Variants in SP100 observed in about 807,000 individuals in gnomAD.
SP100 encodes nuclear autoantigen Sp-100.
In SP100, 84 loss-of-function variants were observed where a neutral mutation model predicts 130.0. The ratio of observed to expected loss-of-function variants is 0.65; its 90% CI spans 0.54 to 0.77. The LOEUF is 0.77. Among genes scored for constraint, SP100 ranks in the 30% least tolerant of loss-of-function variants. SP100 has a pLI of 0.00. For missense variants in SP100, 978 were observed against 1,052.2 expected (o/e 0.93, Z 0.97); for synonymous variants, 331 against 351.7 (o/e 0.94, Z 0.66).
chr2:230,469,965 T>C (rs1294429951), intron 14 of SP100, 50 bp from the exon 15 acceptor site: 1 of 1,571,520 alleles, frequency 6.4e-7, no homozygotes, highest in Non-Finnish European at 8.6e-7. Context: ...TCCCTGCTGA[T>C]TCCTAAGACT....
chr2:230,417,685 G>A lies in SP100; in HGVS notation c.107+20G>A, dbSNP rs780320020. 4.4e-6 allele frequency: 7 copies of A among 1,604,770 alleles called. No individual in the cohort carries two copies. In the African/African-American group the frequency reaches 6.7e-5, roughly 15 times the overall value. ...GCAAAGGTGATGAATGAAGAGTTAT[G>A]TCTTGTTTTAATTTGTATTTTCCTT... On this transcript the variant is annotated intron_variant, in intron 2 of 28. Coordinates refer to ENST00000340126, the MANE Select transcript of SP100 (RefSeq NM_001080391.2).
intron 2 of SP100, among the ~76,000 whole-genome samples, chr2:230,419,668 A>G (rs915254736): frequency 2.0e-5 from 3 of 152,194 alleles, no homozygotes; most frequent in African/African-American, 4.8e-5. Context: ...TTATTACACT[A>G]CATTGTTATA....
chr2:230,530,400 CCTTCCTTACACCTTACA>C (rs981147777), intron 24 of SP100, among the ~76,000 whole-genome samples: 1 of 152,162 alleles, frequency 6.6e-6, no homozygotes, highest in African/African-American at 2.4e-5. Flanking sequence ...AAACTGGACA[CCTTCCTTACACCTTACA>C]CAAAAATTAA....
intron 24 of SP100, among the ~76,000 whole-genome samples, chr2:230,530,556 C>T (rs551185398): frequency 6.6e-6 from 1 of 152,134 alleles, no homozygotes; most frequent in Non-Finnish European, 1.5e-5. Context: ...AAAGCAATTG[C>T]AACAAAAGCC....
In SP100 at chr2:230,544,363, T is replaced by C. The variant is rs1692260113; in HGVS notation, c.*1417T>C. 6.6e-6 allele frequency among the ~76,000 whole-genome samples: 1 copy of C among 152,204 alleles called. No homozygotes were observed. Among genetic ancestry groups the C allele is most frequent in the Middle Eastern group, 3.4e-3 (1 of 294 alleles). On this transcript the variant is annotated 3_prime_UTR_variant, in exon 29 of 29. Coordinates refer to ENST00000340126, the MANE Select transcript of SP100 (RefSeq NM_001080391.2). ...CAGAGTAAACAGACAACCTACAAAA[T>C]GGGAGAAAATATTTGCACACTATGC...
At position 230,515,233 on chromosome 2, in the gene SP100, T is replaced by C. The variant is rs374928470; in HGVS notation, c.2094+4067T>C. ...TATGGCAAAGGCGGACAAGGCCCAT[T>C]ATGAAAGAGAAATGAAAACCTATAT... is the stretch of plus-strand genomic sequence containing the variant. On this transcript the variant is annotated intron_variant, in intron 24 of 28. Coordinates refer to ENST00000340126, the MANE Select transcript of SP100 (RefSeq NM_001080391.2). 1.4e-5 allele frequency: 22 copies of C among 1,613,356 alleles called. No homozygotes were observed. The African/African-American group carries it at 2.9e-4, about 22-fold the overall frequency.
chr2:230,496,940 C>T (rs1014328488), intron 18 of SP100, among the ~76,000 whole-genome samples: 3 of 152,166 alleles, frequency 2.0e-5, no homozygotes, highest in African/African-American at 7.2e-5. Flanking sequence ...AATGTCTCTG[C>T]CTTCCTCAAA....
chr2:230,522,960 A>C (rs1691246843), intron 24 of SP100, among the ~76,000 whole-genome samples: 1 of 151,820 alleles, frequency 6.6e-6, no homozygotes, highest in Admixed American at 6.6e-5. Flanking sequence ...GATTACAGGC[A>C]CCCACCAGCA....
intron 13 of SP100, among the ~76,000 whole-genome samples, chr2:230,468,274 C>A (rs567396241): frequency 6.6e-6 from 1 of 152,092 alleles, no homozygotes; most frequent in East Asian, 1.9e-4. Context: ...CTTCAAAGTT[C>A]AAAAAATGTT....
intron 8 of SP100, among the ~76,000 whole-genome samples, chr2:230,460,874 C>T (rs1221074128): frequency 1.9e-4 from 4 of 21,150 alleles, no homozygotes; most frequent in Admixed American, 1.4e-3. Flanking sequence ...CCACCCGCCT[C>T]GGCCTCCCAA....
intron 2 of SP100, among the ~76,000 whole-genome samples, chr2:230,436,970 A>G (rs866365155): frequency 7.4e-6 from 1 of 134,746 alleles, no homozygotes; most frequent in East Asian, 2.0e-4. Flanking sequence ...ACACATATAT[A>G]TGTGTATACA....
rs76794291 is a variant in SP100 at position 230,463,446 on chromosome 2, T to C, written c.1058-621T>C. Among the ~76,000 whole-genome samples the C allele has an allele frequency of 2.3e-3, 346 of 152,224 alleles. 3 individuals carry two copies. Among genetic ancestry groups the C allele is most frequent in the African/African-American group, 8.0e-3 (332 of 41,540 alleles). ...TAGAAATATGCCACTTTAGGGAAAA[T>C]ACACTAGGGAAAGACCTAAGAGCAA... On this transcript the variant is annotated intron_variant, in intron 10 of 28. Transcript: ENST00000340126.
In SP100 at chr2:230,512,559, A is replaced by G. The variant is rs578185555; in HGVS notation, c.2094+1393A>G. On this transcript the variant is annotated intron_variant, in intron 24 of 28. Transcript: ENST00000340126. ...TGCCTCAGCCTCCCAAAGTGCTGGG[A>G]TTACAGGCATGAGCCACCGCACTGG... 3.9e-5 allele frequency among the ~76,000 whole-genome samples: 6 copies of G among 152,198 alleles called. No homozygotes were observed. The South Asian group carries it at 1.2e-3, about 32-fold the overall frequency.
chr2:230,472,144 A>G (rs1038793336), intron 15 of SP100, among the ~76,000 whole-genome samples: 1 of 152,054 alleles, frequency 6.6e-6, no homozygotes, highest in African/African-American at 2.4e-5. Flanking sequence ...AGATCAAGAT[A>G]AGGGCCAGGC....
At position 230,515,184 on chromosome 2, in the gene SP100, TAAAGAGA is replaced by T. The variant is rs776771066; in HGVS notation, c.2094+4021_2094+4027del. 1.9e-6 allele frequency: 3 copies of T among 1,613,450 alleles called. No individual in the cohort carries two copies. In the Admixed American group the frequency reaches 5.0e-5, roughly 27 times the overall value. On this transcript the variant is annotated intron_variant, in intron 24 of 28. Coordinates refer to ENST00000340126, the MANE Select transcript of SP100 (RefSeq NM_001080391.2). Reference sequence around the variant, plus strand: ...CAGAGACATGGAAGACCATTTTTGCTAAAGAGAAAGGAAAATTTGAAGATATGGCAAA... The same window carrying T: ...CAGAGACATGGAAGACCATTTTTGCTAAGGAAAATTTGAAGATATGGCAAA...
At chr2:230,422,848 C>T (rs973158575) in intron 2 of SP100, among the ~76,000 whole-genome samples, 1 of 152,134 alleles carries the variant, frequency 6.6e-6, no homozygotes, top group Non-Finnish European at 1.5e-5. Flanking sequence ...CTCTTTCATC[C>T]ACTCCTGGGT....
intron 14 of SP100, chr2:230,469,341 A>G: frequency 1.9e-6 from 1 of 515,352 alleles, no homozygotes; most frequent in Non-Finnish European, 3.6e-6. Context: ...GTAGTTCCTG[A>G]GTAGAGGGGG....
Position 230,442,930 on chromosome 2 carries a change from T to C in SP100, c.108-7T>C. The C allele has an allele frequency of 6.2e-7, 1 of 1,611,840 alleles. No homozygotes were observed. The highest frequency in any genetic ancestry group is 8.5e-7 in the Non-Finnish European group (1 of 1,179,098). On this transcript the variant is annotated splice_region_variant and splice_polypyrimidine_tract_variant and intron_variant, in intron 2 of 28. Transcript: ENST00000340126. The stretch of plus-strand genomic sequence containing the variant: ...GACCATTTTCACATGGTGTCCTTTT[T>C]CCCTAGGATGTTCACGGAAGACCAG...
At chr2:230,449,491 G>A (rs1449005480) in intron 6 of SP100, 70 bp from the exon 7 acceptor site, 34 of 1,547,376 alleles carry the variant, frequency 2.2e-5, no homozygotes, top group Non-Finnish European at 2.9e-5. Flanking sequence ...GGCCCGTGCT[G>A]TAGTGGTTGG....
Sources: allele counts gnomAD v4.1 joint callset (sites outside exome capture counted in the v4.1 genomes callset), GRCh38; gene constraint gnomAD v4.1.1; transcripts MANE v1.5; gene names NCBI Gene and HGNC (gene_info 2026-07-23, HGNC 2026-07-21).